Variants in OSBPL11 observed in about 807,000 individuals in gnomAD.
The protein encoded by OSBPL11 is oxysterol-binding protein-related protein 11.
OSBPL11 carries 33 observed loss-of-function variants against 84.4 expected under a neutral mutation model. The observed-to-expected ratio is 0.39, with a 90% confidence interval of 0.30 to 0.52. The LOEUF (loss-of-function observed/expected upper bound fraction) is 0.52. OSBPL11 is among the 20% of genes least tolerant of loss of function. The pLI is 0.72. For synonymous variants in OSBPL11, 276 were observed against 310.2 expected (o/e 0.89, Z 1.16); for missense variants, 736 against 901.1 (o/e 0.82, Z 2.35).
chr3:125,577,388 C>G (rs1936341291), intron 4 of OSBPL11, among the ~76,000 whole-genome samples: 1 of 152,096 alleles, frequency 6.6e-6, no homozygotes, highest in Admixed American at 6.6e-5. Flanking sequence ...AATGACTAAC[C>G]AATAAGCACA....
At chr3:125,571,641 G>A (rs1375489209) in intron 5 of OSBPL11, among the ~76,000 whole-genome samples, 3 of 152,192 alleles carry the variant, frequency 2.0e-5, no homozygotes, top group African/African-American at 2.4e-5. Flanking sequence ...CGTAGAGCTC[G>A]TCTGTGGCCT....
At chr3:125,537,769 C>A (rs536296230) in intron 11 of OSBPL11, among the ~76,000 whole-genome samples, 1 of 152,080 alleles carries the variant, frequency 6.6e-6, no homozygotes, top group Non-Finnish European at 1.5e-5. Context: ...AAAATTAAGT[C>A]TCTTTCCTAT....
chr3:125,573,981 C>T (rs1309742372), intron 5 of OSBPL11, among the ~76,000 whole-genome samples: 1 of 151,306 alleles, frequency 6.6e-6, no homozygotes, highest in East Asian at 1.9e-4. Flanking sequence ...TTCAAACTCA[C>T]ACCAATTTAT....
intron 9 of OSBPL11, among the ~76,000 whole-genome samples, chr3:125,548,067 C>T (rs942816523): frequency 1.7e-4 from 26 of 151,988 alleles, no homozygotes; most frequent in African/African-American, 5.8e-4. Context: ...TTAGTGGAGA[C>T]GGGGTTTCAC....
chr3:125,566,691 T>G (rs967117298), intron 6 of OSBPL11, among the ~76,000 whole-genome samples: 5 of 152,150 alleles, frequency 3.3e-5, no homozygotes, highest in African/African-American at 1.2e-4. Context: ...GAAAGACTCA[T>G]TTTTTGTAGT....
At chr3:125,547,732 T>A (rs1281470757) in intron 9 of OSBPL11, 140 bp from the exon 10 acceptor site, 2 of 639,894 alleles carry the variant, frequency 3.1e-6, no homozygotes, top group Non-Finnish European at 5.2e-6. Flanking sequence ...TGAAACTGAC[T>A]TCATTTATAA....
chr3:125,551,739 T>C (rs986174205), intron 9 of OSBPL11, among the ~76,000 whole-genome samples: 4 of 151,464 alleles, frequency 2.6e-5, no homozygotes, highest in African/African-American at 9.7e-5. Context: ...GATAGCACCA[T>C]TGCACTCCAG....
At chr3:125,554,640 A>G (rs1263620114) in intron 8 of OSBPL11, among the ~76,000 whole-genome samples, 1 of 152,188 alleles carries the variant, frequency 6.6e-6, no homozygotes, top group Non-Finnish European at 1.5e-5. Context: ...AAGGAGGGGA[A>G]AAAACAAAAA....
intron 6 of OSBPL11, among the ~76,000 whole-genome samples, chr3:125,566,198 G>GT (rs1274127099): frequency 1.3e-5 from 2 of 152,056 alleles, no homozygotes; most frequent in Non-Finnish European, 2.9e-5. Flanking sequence ...TAGAGATGGG[G>GT]TTTCACCATG....
At chr3:125,571,531 G>A (rs1000779046) in intron 5 of OSBPL11, among the ~76,000 whole-genome samples, 1 of 152,130 alleles carries the variant, frequency 6.6e-6, no homozygotes, top group Non-Finnish European at 1.5e-5. Flanking sequence ...GCAGAAAAAA[G>A]TGGTTTCATG....
chr3:125,538,615 C>T lies in OSBPL11; in HGVS notation c.1860G>A (p.Lys620=). Residue 620 remains lysine (K), a synonymous_variant, in exon 11 of 13, where the codon AAG becomes AAA. Coordinates refer to ENST00000296220, the MANE Select transcript of OSBPL11 (RefSeq NM_022776.5). ...GKLHRVTAEV[K]HNITNTVVCR... ...ATACCACAGTGTTGGTGATGTTGTG[C>T]TTTACTTCAGCTGTAACCCTAGAAG... is the stretch of plus-strand genomic sequence containing the variant. The T allele has an allele frequency of 6.2e-7, 1 of 1,609,448 alleles. No individual in the cohort carries two copies. Among genetic ancestry groups the T allele is most frequent in the Non-Finnish European group, 8.5e-7 (1 of 1,178,188 alleles).
In OSBPL11 at chr3:125,594,722, T is replaced by C. The variant is rs775694987; in HGVS notation, c.79A>G (p.Thr27Ala). 1 of 1,614,188 alleles carries C rather than the reference T, an allele frequency of 6.2e-7. No homozygotes were observed. Among genetic ancestry groups the C allele is most frequent in the Admixed American group, 1.7e-5 (1 of 60,018 alleles). Residue 27 changes from threonine (T) to alanine (A), a missense_variant, in exon 1 of 13, where the codon ACC becomes GCC. Thr to Ala is a moderately conservative substitution (Grantham distance 58). Around this residue, in one of 3 missense-constraint regions of OSBPL11, gnomAD observed 114 missense variants for 104.9 expected, o/e 1.09. Transcript: ENST00000296220. ...CCACAGCTGCTGTTCTTGTTCGGGG[T>C]CACCGCTGTGGCCTGGCCCTCCAGC... ...GKLEGQATAV[T>A]PNKNSSCGGG...
At position 125,564,352 on chromosome 3, in the gene OSBPL11, T is replaced by C. The variant is rs540920362; in HGVS notation, c.869-509A>G. On this transcript the variant is annotated intron_variant, in intron 6 of 12. Coordinates refer to ENST00000296220, the MANE Select transcript of OSBPL11 (RefSeq NM_022776.5). ...TGCAAATACATGTCCTTTTTCGAAATCATTTTTTAAAAAGCCCCATACAAC... is the reference window on the plus strand; with the variant it reads ...TGCAAATACATGTCCTTTTTCGAAACCATTTTTTAAAAAGCCCCATACAAC... Among the ~76,000 whole-genome samples the C allele has an allele frequency of 3.9e-5, 6 of 152,282 alleles. No individual in the cohort carries two copies. The South Asian group carries it at 1.2e-3, about 32-fold the overall frequency.
Position 125,595,070 on chromosome 3 carries a change from TC to T in OSBPL11, c.-271del. 2.7e-6 allele frequency: 1 copy of T among 369,400 alleles called. No homozygotes were observed. The highest frequency in any genetic ancestry group is 5.0e-6 in the Non-Finnish European group (1 of 200,242). The allele number at this position is 369,400 out of a possible 1,614,324, so 22.9% of individuals were successfully genotyped here. On this transcript the variant is annotated 5_prime_UTR_variant, in exon 1 of 13. An upstream open reading frame in the 5' UTR loses its in-frame stop. Transcript: ENST00000296220. Reference sequence around the variant, plus strand: ...CGGCAAAAGCAAGGAGGAAAAAGCATCCGGCGAGAAGACTTAAGTGACATAC... The same window carrying T: ...CGGCAAAAGCAAGGAGGAAAAAGCATCGGCGAGAAGACTTAAGTGACATAC...
chr3:125,544,691 G>A (rs1439606451), intron 10 of OSBPL11, among the ~76,000 whole-genome samples: 1 of 152,084 alleles, frequency 6.6e-6, no homozygotes, highest in East Asian at 1.9e-4. Context: ...TTTTCTCCTT[G>A]ATAAAAACTT....
At position 125,576,181 on chromosome 3, in the gene OSBPL11, A is replaced by T. The variant is rs1489380937; in HGVS notation, c.666+8T>A. On this transcript the variant is annotated splice_region_variant and intron_variant, in intron 5 of 12. Transcript: ENST00000296220. ...GTGCATTTTAACTTGACTTTAATTC[A>T]TACTTACTTCTCTGACTTCCACAAG... 1.3e-6 allele frequency: 2 copies of T among 1,597,956 alleles called. No individual in the cohort carries two copies. Among genetic ancestry groups the T allele is most frequent in the South Asian group, 2.3e-5 (2 of 87,724 alleles).
At chr3:125,592,982 CAA>C (rs1936621258) in intron 1 of OSBPL11, among the ~76,000 whole-genome samples, 1 of 152,068 alleles carries the variant, frequency 6.6e-6, no homozygotes, top group Non-Finnish European at 1.5e-5. Flanking sequence ...AAAACTATAA[CAA>C]GAGAAGAAAA....
At chr3:125,558,183 G>C (rs1936020668) in intron 8 of OSBPL11, among the ~76,000 whole-genome samples, 1 of 152,112 alleles carries the variant, frequency 6.6e-6, no homozygotes, top group South Asian at 2.1e-4. Context: ...CTACCATGTG[G>C]ATTACTATCA....
chr3:125,579,146 C>G (rs1357011455), intron 3 of OSBPL11, 107 bp from the exon 4 acceptor site: 1 of 718,758 alleles, frequency 1.4e-6, no homozygotes, highest in Non-Finnish European at 2.1e-6. Flanking sequence ...TGGTCTTACT[C>G]TCACTAGAGC....
Sources: allele counts gnomAD v4.1 joint callset (sites outside exome capture counted in the v4.1 genomes callset), GRCh38; gene constraint gnomAD v4.1.1; regional missense constraint gnomAD v4.1.1; transcripts MANE v1.5; gene names NCBI Gene and HGNC (gene_info 2026-07-23, HGNC 2026-07-21).